CRTC3: variants seen among roughly 807,000 people sequenced by gnomAD.
The protein encoded by CRTC3 is CREB regulated transcription coactivator 3.
CRTC3 carries 26 observed loss-of-function variants against 74.5 expected under a neutral mutation model. The observed-to-expected ratio is 0.35, with a 90% CI of 0.26 to 0.48. The LOEUF is 0.48. Among genes scored for constraint, CRTC3 ranks in the 20% least tolerant of loss-of-function variants. The probability of loss-of-function intolerance (pLI) is 0.99; values close to 1 mark genes in which losing one functional copy is unlikely to be tolerated. For synonymous variants in CRTC3, 377 were observed against 325.8 expected (o/e 1.16, Z -1.69); for missense variants, 760 against 787.3 (o/e 0.97, Z 0.41).
At chr15:90,579,019 T>C (rs1967473845) in intron 2 of CRTC3, among the ~76,000 whole-genome samples, 1 of 152,098 alleles carries the variant, frequency 6.6e-6, no homozygotes, top group African/African-American at 2.4e-5. Flanking sequence ...TATCTGAGGG[T>C]TGGTTTTGCA....
intron 3 of CRTC3, chr15:90,598,602 C>G: frequency 1.4e-6 from 1 of 692,066 alleles, no homozygotes; most frequent in Admixed American, 2.0e-5. Flanking sequence ...GGACGGTGGC[C>G]TCACTAAATG....
intron 2 of CRTC3, among the ~76,000 whole-genome samples, chr15:90,545,610 T>C (rs1966842852): frequency 6.6e-6 from 1 of 151,592 alleles, no homozygotes; most frequent in Admixed American, 6.6e-5. Context: ...GGAGTCTCAC[T>C]CTTTCGCCCA....
intron 2 of CRTC3, among the ~76,000 whole-genome samples, chr15:90,541,248 A>G (rs1186560067): frequency 6.6e-6 from 1 of 152,254 alleles, no homozygotes; most frequent in African/African-American, 2.4e-5. Context: ...ATAAACTTTA[A>G]GATGAAGCAT....
intron 10 of CRTC3, among the ~76,000 whole-genome samples, chr15:90,628,301 T>TCAAA (rs1331594143): frequency 1.3e-5 from 2 of 152,190 alleles, no homozygotes; most frequent in Non-Finnish European, 2.9e-5. Flanking sequence ...GTAACTTTTA[T>TCAAA]CAAACACTTA....
Position 90,642,426 on chromosome 15 carries a change from G to A in CRTC3, c.*286G>A. 1 of 492,344 alleles carries A rather than the reference G, an allele frequency of 2.0e-6. No individual in the cohort carries two copies. The highest frequency in any genetic ancestry group is 2.2e-5 in the South Asian group (1 of 45,540). The allele number at this position is 492,344 out of a possible 1,614,324, so 30.5% of individuals were successfully genotyped here. A position where few individuals can be genotyped will look rare whatever the true frequency, so the allele number is the denominator to read the frequency against. ...CTCACCTCCACTGCATCTTTTTACT[G>A]GCCATCCAGTCAGCCGATGTGTAAG... On this transcript the variant is annotated 3_prime_UTR_variant, in exon 15 of 15. Coordinates refer to ENST00000268184, the MANE Select transcript of CRTC3 (RefSeq NM_022769.5).
rs552955933 is a variant in CRTC3, at chr15:90,544,128, C to T, written c.231+3991C>T. The stretch of plus-strand genomic sequence containing the variant: ...AAGTTGGAAATCAGCATGGTGTCAG[C>T]AGCACCATGAATGCTCTGGGGAAGA... On this transcript the variant is annotated intron_variant, in intron 2 of 14. Transcript: ENST00000268184. Among the ~76,000 whole-genome samples, 18 of 152,330 alleles carry T rather than the reference C, an allele frequency of 1.2e-4. No individual in the cohort carries two copies. In the South Asian group the frequency reaches 2.7e-3, roughly 23 times the overall value.
chr15:90,545,817 A>G (rs1362928201), intron 2 of CRTC3, among the ~76,000 whole-genome samples: 2 of 151,742 alleles, frequency 1.3e-5, no homozygotes, highest in African/African-American at 4.8e-5. Context: ...TGACTTTGTG[A>G]TCCGCCCGCC....
At chr15:90,630,208 G>C (rs149620403) in intron 11 of CRTC3, among the ~76,000 whole-genome samples, 8 of 152,112 alleles carry the variant, frequency 5.3e-5, no homozygotes, top group African/African-American at 1.9e-4. Flanking sequence ...TTTCAAAGTT[G>C]GCATGGAAAA....
chr15:90,536,252 C>G (rs1379780563), intron 1 of CRTC3, among the ~76,000 whole-genome samples: 4 of 152,008 alleles, frequency 2.6e-5, no homozygotes, highest in South Asian at 4.1e-4. Flanking sequence ...GAAAATTGCT[C>G]TGGCCAGGTG....
In CRTC3 at chr15:90,644,728, G is replaced by GC. The variant is rs368679888; in HGVS notation, c.*2591dup. The GC allele has an allele frequency of 3.9e-5, 9 of 232,520 alleles. No homozygotes were observed. The highest frequency in any genetic ancestry group is 1.8e-4 in the African/African-American group (8 of 45,412). 14.4% of individuals were successfully genotyped at this position (232,520 alleles called of 1,614,324 possible). On this transcript the variant is annotated 3_prime_UTR_variant, in exon 15 of 15. Coordinates refer to ENST00000268184, the MANE Select transcript of CRTC3 (RefSeq NM_022769.5). ...ACTCACCACGGGCAGGGTCGCCCTG[G>GC]CCCACAGCACGTGAGCCTGCACTCA...
chr15:90,628,924 C>T (rs545778278), intron 10 of CRTC3, among the ~76,000 whole-genome samples: 6 of 152,206 alleles, frequency 3.9e-5, no homozygotes, highest in South Asian at 4.2e-4. Context: ...GGGTCTGGGC[C>T]GAGCACCTGG....
chr15:90,581,148 A>T (rs1010148893), intron 2 of CRTC3, among the ~76,000 whole-genome samples: 3 of 152,146 alleles, frequency 2.0e-5, no homozygotes, highest in Admixed American at 1.3e-4. Flanking sequence ...TTTGGTGAGG[A>T]TGCTGTCTGG....
Position 90,643,013 on chromosome 15 carries a change from C to G in CRTC3, c.*873C>G, listed in dbSNP as rs150761909. On this transcript the variant is annotated 3_prime_UTR_variant, in exon 15 of 15. Coordinates refer to ENST00000268184, the MANE Select transcript of CRTC3 (RefSeq NM_022769.5). The stretch of plus-strand genomic sequence containing the variant: ...AGAGGGAGCTGGTGAGGCCCTAACC[C>G]CACCCACCGAGCAACTGAGCTTCCC... 278 of 232,596 alleles carry G rather than the reference C, an allele frequency of 1.2e-3. No homozygotes were observed. The highest frequency in any genetic ancestry group is 5.9e-3 in the African/African-American group (269 of 45,358). The allele number at this position is 232,596 out of a possible 1,614,324, so 14.4% of individuals were successfully genotyped here.
intron 9 of CRTC3, among the ~76,000 whole-genome samples, chr15:90,622,416 C>T (rs991997775): frequency 6.6e-6 from 1 of 152,202 alleles, no homozygotes; most frequent in South Asian, 2.1e-4. Flanking sequence ...TCTGCCTTCA[C>T]TCCCACCTGA....
intron 2 of CRTC3, among the ~76,000 whole-genome samples, chr15:90,584,694 G>A (rs1344619442): frequency 6.6e-6 from 1 of 152,140 alleles, no homozygotes; most frequent in African/African-American, 2.4e-5. Context: ...TGGGCAAGCT[G>A]GAGGCCCAGT....
chr15:90,534,188 A>T (rs1406730653), intron 1 of CRTC3, among the ~76,000 whole-genome samples: 2 of 152,132 alleles, frequency 1.3e-5, no homozygotes, highest in Admixed American at 6.5e-5. Context: ...GAGCAGATTG[A>T]TACTTAGGAG....
Position 90,643,817 on chromosome 15 carries a change from G to A in CRTC3, c.*1677G>A, listed in dbSNP as rs1441829881. The A allele has an allele frequency of 1.3e-5, 3 of 232,236 alleles. No individual in the cohort carries two copies. Among genetic ancestry groups the A allele is most frequent in the Non-Finnish European group, 2.6e-5 (3 of 117,582 alleles). 14.4% of individuals were successfully genotyped at this position (232,236 alleles called of 1,614,324 possible). A position where few individuals can be genotyped will look rare whatever the true frequency, so the allele number is the denominator to read the frequency against. On this transcript the variant is annotated 3_prime_UTR_variant, in exon 15 of 15. Transcript: ENST00000268184. ...AGATGCCAGGACCTTTGCTTGGACA[G>A]CCATTGCCCTTCCAGGAGACCCTGG...
At chr15:90,548,200 A>G (rs967800323) in intron 2 of CRTC3, among the ~76,000 whole-genome samples, 3 of 152,180 alleles carry the variant, frequency 2.0e-5, no homozygotes, top group Non-Finnish European at 4.4e-5. Flanking sequence ...CGTATCCTTT[A>G]TATAACCTAC....
At chr15:90,610,284 CCAGAACTG>C (rs1468873790) in intron 6 of CRTC3, among the ~76,000 whole-genome samples, 1 of 152,136 alleles carries the variant, frequency 6.6e-6, no homozygotes, top group African/African-American at 2.4e-5. Context: ...TAATTGAAGC[CCAGAACTG>C]GGTTCTATGT....
Sources: allele counts gnomAD v4.1 joint callset (sites outside exome capture counted in the v4.1 genomes callset), GRCh38; gene constraint gnomAD v4.1.1; transcripts MANE v1.5; gene names NCBI Gene and HGNC (gene_info 2026-07-23, HGNC 2026-07-21).